The following SDK1 variants were observed in gnomAD, a reference collection of about 807,000 sequenced individuals.
The protein encoded by SDK1 is sidekick cell adhesion molecule 1, also known as protein sidekick-1.
SDK1 carries 157 observed loss-of-function variants against 245.5 expected under a neutral mutation model. The ratio of observed to expected loss-of-function variants is 0.64; its 90% CI spans 0.56 to 0.73. The LOEUF (loss-of-function observed/expected upper bound fraction) is 0.73, where lower values mean the gene tolerates loss of function less well. Among genes scored for constraint, SDK1 ranks in the 30% least tolerant of loss-of-function variants. The probability of loss-of-function intolerance (pLI) is 0.00; values close to 1 mark genes in which losing one functional copy is unlikely to be tolerated. For missense variants in SDK1, 3,583 were observed against 3,002.3 expected (o/e 1.19, Z -4.52); for synonymous variants, 1,647 against 1,278.5 (o/e 1.29, Z -6.15).
chr7:3,748,257 T>C (rs879331873), intron 4 of SDK1, among the ~76,000 whole-genome samples: 1 of 152,232 alleles, frequency 6.6e-6, no homozygotes, highest in Non-Finnish European at 1.5e-5. Flanking sequence ...TACGGTGATT[T>C]TTCTGTGTAG....
rs902801018 is a variant in SDK1 at position 3,784,061 on chromosome 7, TTTTC to T, written c.714-37385_714-37382del. 4.3e-3 allele frequency among the ~76,000 whole-genome samples: 655 copies of T among 151,240 alleles called. 7 individuals are homozygous for T. Among genetic ancestry groups the T allele is most frequent in the African/African-American group, 0.015 (611 of 40,818 alleles). ...AACCCATGCATATGATTTAAATTTA[TTTTC>T]TTTTTCTTTTTTCTTTTCTTTGTTT... On this transcript the variant is annotated intron_variant, in intron 4 of 44. Coordinates refer to ENST00000404826, the MANE Select transcript of SDK1 (RefSeq NM_152744.4).
chr7:4,222,078 C>T (rs958335667), intron 40 of SDK1, among the ~76,000 whole-genome samples: 5 of 152,138 alleles, frequency 3.3e-5, no homozygotes, highest in African/African-American at 1.2e-4. Context: ...TGTGATGTGT[C>T]AGGGACGCTA....
At chr7:4,047,851 A>T (rs1240544156) in intron 17 of SDK1, among the ~76,000 whole-genome samples, 1 of 152,162 alleles carries the variant, frequency 6.6e-6, no homozygotes, top group African/African-American at 2.4e-5. Flanking sequence ...TCTTGTTCTT[A>T]GGTGGATGTG....
At chr7:4,116,550 G>A (rs1280724954) in intron 25 of SDK1, among the ~76,000 whole-genome samples, 1 of 152,232 alleles carries the variant, frequency 6.6e-6, no homozygotes, top group Non-Finnish European at 1.5e-5. Context: ...CGCCACCCTT[G>A]TAGGTTACTG....
intron 1 of SDK1, among the ~76,000 whole-genome samples, chr7:3,421,104 T>TA (rs1454842305): frequency 6.6e-6 from 1 of 151,866 alleles, no homozygotes; most frequent in African/African-American, 2.4e-5. Context: ...TTTTTTTTTT[T>TA]TTGGTGGCCC....
At chr7:3,738,364 G>A (rs1323375529) in intron 4 of SDK1, among the ~76,000 whole-genome samples, 1 of 152,146 alleles carries the variant, frequency 6.6e-6, no homozygotes, top group African/African-American at 2.4e-5. Context: ...CTATTTGCCA[G>A]GGTTTATTTC....
chr7:3,513,928 C>T (rs1301300738), intron 1 of SDK1, among the ~76,000 whole-genome samples: 2 of 152,168 alleles, frequency 1.3e-5, no homozygotes, highest in East Asian at 1.9e-4. Context: ...ATAGTGGCCT[C>T]TAGCTGCAGC....
intron 25 of SDK1, among the ~76,000 whole-genome samples, chr7:4,117,970 G>T (rs937712416): frequency 6.6e-6 from 1 of 152,136 alleles, no homozygotes; most frequent in African/African-American, 2.4e-5. Flanking sequence ...CCCAGCTCAG[G>T]ACTGGGTTTT....
chr7:3,886,783 G>A (rs1459086996), intron 5 of SDK1, among the ~76,000 whole-genome samples: 1 of 152,152 alleles, frequency 6.6e-6, no homozygotes, highest in Non-Finnish European at 1.5e-5. Flanking sequence ...AAGCATGGTG[G>A]TATGATCCTG....
intron 4 of SDK1, among the ~76,000 whole-genome samples, chr7:3,694,280 G>A (rs114911868): frequency 8.5e-5 from 13 of 152,158 alleles, no homozygotes; most frequent in Non-Finnish European, 1.6e-4. Context: ...GATGGCCACC[G>A]GGAGGTCACT....
At chr7:4,208,010 A>G in intron 36 of SDK1, 89 bp from the exon 37 acceptor site, 1 of 955,300 alleles carries the variant, frequency 1.0e-6, no homozygotes. Flanking sequence ...AACTCAGCTC[A>G]CCCCCTCGCT....
intron 4 of SDK1, among the ~76,000 whole-genome samples, chr7:3,667,515 A>C (rs538699285): frequency 6.6e-6 from 1 of 152,176 alleles, no homozygotes; most frequent in Non-Finnish European, 1.5e-5. Context: ...AATTTTGACA[A>C]ACATACAGTG....
intron 4 of SDK1, among the ~76,000 whole-genome samples, chr7:3,735,183 T>A (rs1779285088): frequency 6.6e-6 from 1 of 152,220 alleles, no homozygotes; most frequent in Non-Finnish European, 1.5e-5. Context: ...AGAATGTTCA[T>A]AACATAAAAT....
chr7:3,497,010 G>A (rs1782046006), intron 1 of SDK1, among the ~76,000 whole-genome samples: 1 of 152,112 alleles, frequency 6.6e-6, no homozygotes. Flanking sequence ...TAAGAGTATA[G>A]TTTTTGCTTA....
intron 4 of SDK1, among the ~76,000 whole-genome samples, chr7:3,745,919 C>G (rs760642492): frequency 1.3e-5 from 2 of 152,162 alleles, no homozygotes; most frequent in Non-Finnish European, 2.9e-5. Context: ...ACTCTGAAGC[C>G]TGCTATGTGG....
chr7:3,302,433 C>G (rs759829352), intron 1 of SDK1: 2 of 152,388 alleles, frequency 1.3e-5, no homozygotes, highest in African/African-American at 2.4e-5. Flanking sequence ...GCAAAACTTT[C>G]AGTGCCCACA....
At chr7:3,919,448 G>C (rs751578538) in intron 5 of SDK1, among the ~76,000 whole-genome samples, 6 of 152,226 alleles carry the variant, frequency 3.9e-5, no homozygotes, top group Admixed American at 6.5e-5. Context: ...GTCAAGTGAC[G>C]ACAGATGACA....
intron 35 of SDK1, among the ~76,000 whole-genome samples, chr7:4,202,618 G>T (rs1454724211): frequency 6.6e-6 from 1 of 152,236 alleles, no homozygotes; most frequent in Non-Finnish European, 1.5e-5. Context: ...CTGGCGGACG[G>T]TGAATGTTTT....
intron 4 of SDK1, among the ~76,000 whole-genome samples, chr7:3,774,806 A>C (rs1476541059): frequency 1.3e-5 from 2 of 152,154 alleles, no homozygotes; most frequent in Non-Finnish European, 2.9e-5. Flanking sequence ...CAGCCTTATA[A>C]ATTTTTGGTA....
Sources: allele counts gnomAD v4.1 joint callset (sites outside exome capture counted in the v4.1 genomes callset), GRCh38; gene constraint gnomAD v4.1.1; transcripts MANE v1.5; gene names NCBI Gene and HGNC (gene_info 2026-07-23, HGNC 2026-07-21).